OXR1: variants seen among roughly 807,000 people sequenced by gnomAD.
OXR1 encodes oxidation resistance 1, also known as oxidation resistance protein 1.
OXR1 carries 41 observed loss-of-function variants against 104.6 expected under a neutral mutation model. The ratio of observed to expected loss-of-function variants is 0.39; its 90% CI spans 0.31 to 0.51. The LOEUF (loss-of-function observed/expected upper bound fraction) is 0.51. Among genes scored for constraint, OXR1 ranks in the 20% least tolerant of loss-of-function variants. The pLI is 0.77. For synonymous variants in OXR1, 348 were observed against 348.4 expected, an observed-to-expected ratio of 1.00 and a Z score of 0.01; for missense variants, 955 against 1,031.9, an observed-to-expected ratio of 0.93 and a Z score of 1.02.
intron 7 of OXR1, chr8:106,697,514 G>T: frequency 6.2e-7 from 1 of 1,610,680 alleles, no homozygotes; most frequent in East Asian, 2.2e-5. Context: ...CCCTCTTGCA[G>T]CTGGTTATCC....
At chr8:106,748,440 A>G (rs1835578455) in intron 16 of OXR1, among the ~76,000 whole-genome samples, 1 of 151,104 alleles carries the variant, frequency 6.6e-6, no homozygotes, top group Non-Finnish European at 1.5e-5. Flanking sequence ...ATCCCATTAC[A>G]GTTTTTTTGT....
chr8:106,577,218 GT>G (rs375844927), intron 3 of OXR1, among the ~76,000 whole-genome samples: 19 of 143,404 alleles, frequency 1.3e-4, no homozygotes, highest in Admixed American at 7.0e-5. Flanking sequence ...TTTGTTTTTT[GT>G]TTTTTTTTTG....
intron 1 of OXR1, among the ~76,000 whole-genome samples, chr8:106,322,646 A>G (rs1021738762): frequency 6.6e-6 from 1 of 152,176 alleles, no homozygotes; most frequent in Non-Finnish European, 1.5e-5. Flanking sequence ...TTATCAACTC[A>G]TCCTAAAAGC....
chr8:106,362,453 C>A (rs1342396610), intron 2 of OXR1, among the ~76,000 whole-genome samples: 1 of 152,030 alleles, frequency 6.6e-6, no homozygotes, highest in African/African-American at 2.4e-5. Flanking sequence ...AGAAAGTTAT[C>A]TTTTTATACA....
intron 1 of OXR1, among the ~76,000 whole-genome samples, chr8:106,304,703 A>T (rs1813403951): frequency 6.6e-6 from 1 of 152,164 alleles, no homozygotes; most frequent in Non-Finnish European, 1.5e-5. Flanking sequence ...TATATTTTAA[A>T]TTTACAGCAT....
chr8:106,568,858 CT>C (rs754216801), intron 3 of OXR1, among the ~76,000 whole-genome samples: 3 of 152,078 alleles, frequency 2.0e-5, no homozygotes, highest in Non-Finnish European at 4.4e-5. Flanking sequence ...GGGAGAGCTA[CT>C]TTATATAACT....
At chr8:106,328,317 A>G (rs1814564219) in intron 1 of OXR1, among the ~76,000 whole-genome samples, 1 of 152,196 alleles carries the variant, frequency 6.6e-6, no homozygotes, top group African/African-American at 2.4e-5. Context: ...TGGCAGGAAC[A>G]GAGAATGGGA....
chr8:106,616,561 T>C (rs1328701333), intron 3 of OXR1, among the ~76,000 whole-genome samples: 1 of 152,188 alleles, frequency 6.6e-6, no homozygotes, highest in Non-Finnish European at 1.5e-5. Flanking sequence ...TGCCAATTTA[T>C]ATCATTTTCC....
intron 1 of OXR1, among the ~76,000 whole-genome samples, chr8:106,350,691 G>C (rs1049578755): frequency 6.6e-6 from 1 of 152,154 alleles, no homozygotes; most frequent in African/African-American, 2.4e-5. Context: ...TTCAGGATAG[G>C]TATCAATAGG....
intron 3 of OXR1, among the ~76,000 whole-genome samples, chr8:106,553,776 C>T (rs962805300): frequency 6.6e-5 from 10 of 152,114 alleles, no homozygotes; most frequent in Admixed American, 3.3e-4. Context: ...TCTTAAGATT[C>T]GGCTCAAGTA....
At chr8:106,744,863 A>C (rs1835250420) in intron 15 of OXR1, among the ~76,000 whole-genome samples, 2 of 152,226 alleles carry the variant, frequency 1.3e-5, no homozygotes, top group African/African-American at 2.4e-5. Flanking sequence ...ATTTGGTAAC[A>C]CAATAAAAAT....
chr8:106,722,964 C>T (rs1034751371), intron 11 of OXR1, among the ~76,000 whole-genome samples: 7 of 152,098 alleles, frequency 4.6e-5, no homozygotes, highest in African/African-American at 9.7e-5. Flanking sequence ...AAGTTGTTAT[C>T]GACCTTAGGA....
chr8:106,533,925 C>G (rs1163026053), intron 3 of OXR1, among the ~76,000 whole-genome samples: 2 of 152,026 alleles, frequency 1.3e-5, no homozygotes, highest in Non-Finnish European at 2.9e-5. Flanking sequence ...ATTGATCAGT[C>G]TGGTCTTGAA....
intron 1 of OXR1, chr8:106,271,668 C>G (rs1256920464): frequency 6.6e-6 from 1 of 152,314 alleles, no homozygotes; most frequent in Non-Finnish European, 1.5e-5. Flanking sequence ...TTAAGGGGAA[C>G]ATACTTCCCT....
At chr8:106,677,760 CGT>C (rs144996062) in intron 3 of OXR1, among the ~76,000 whole-genome samples, 34 of 150,310 alleles carry the variant, frequency 2.3e-4, no homozygotes, top group Non-Finnish European at 2.2e-4. Context: ...TATGCGCACG[CGT>C]GTGTGTGTGT....
At chr8:106,480,771 C>T (rs1233742186) in intron 2 of OXR1, among the ~76,000 whole-genome samples, 1 of 151,916 alleles carries the variant, frequency 6.6e-6, no homozygotes, top group Non-Finnish European at 1.5e-5. Context: ...TTAAATTCCT[C>T]ATAGAAATAA....
intron 11 of OXR1, among the ~76,000 whole-genome samples, chr8:106,720,122 G>C (rs925350462): frequency 2.6e-4 from 40 of 152,090 alleles, no homozygotes; most frequent in African/African-American, 9.6e-4. Flanking sequence ...ATTTCTTTAA[G>C]CTGGTTTTTT....
intron 3 of OXR1, among the ~76,000 whole-genome samples, chr8:106,575,962 A>G (rs1442736129): frequency 6.0e-5 from 9 of 149,040 alleles, no homozygotes; most frequent in Non-Finnish European, 1.0e-4. Flanking sequence ...AAAATGACAA[A>G]GAGAAGAGAT....
At chr8:106,453,019 C>T (rs1820407646) in intron 2 of OXR1, among the ~76,000 whole-genome samples, 1 of 152,130 alleles carries the variant, frequency 6.6e-6, no homozygotes, top group Non-Finnish European at 1.5e-5. Flanking sequence ...CTCTTTCTCA[C>T]CTCTTTGTTT....
Sources: allele counts gnomAD v4.1 joint callset (sites outside exome capture counted in the v4.1 genomes callset), GRCh38; gene constraint gnomAD v4.1.1; transcripts MANE v1.5; gene names NCBI Gene and HGNC (gene_info 2026-07-23, HGNC 2026-07-21).